Variants in CDH18 observed in about 807,000 individuals in gnomAD.
The protein encoded by CDH18 is cadherin 18.
A neutral mutation model predicts 67.9 loss-of-function variants in CDH18; 31 were observed. The ratio of observed to expected loss-of-function variants is 0.46; its 90% CI spans 0.34 to 0.62. The LOEUF (loss-of-function observed/expected upper bound fraction) is 0.62. CDH18 is among the 20% of genes least tolerant of loss of function. The probability of loss-of-function intolerance (pLI) is 0.01; values close to 1 mark genes in which losing one functional copy is unlikely to be tolerated. For synonymous variants in CDH18, 362 were observed against 347.2 expected (o/e 1.04, Z -0.48); for missense variants, 890 against 975.5 (o/e 0.91, Z 1.17).
In CDH18 at chr5:19,904,611, C is replaced by T. The variant is rs116481813; in HGVS notation, c.-256-65369G>A. The stretch of plus-strand genomic sequence containing the variant: ...ATCGTCATCACTCTGTGTCTAACTG[C>T]GGCTCTGTAAATTAGCTAGATACAT... On this transcript the variant is annotated intron_variant, in intron 2 of 12. Transcript: ENST00000382275. Among the ~76,000 whole-genome samples the T allele has an allele frequency of 9.8e-4, 149 of 152,242 alleles. 1 individual carries two copies. The highest frequency in any genetic ancestry group is 3.4e-3 in the African/African-American group (140 of 41,554).
At chr5:19,650,873 T>C (rs1050046793) in intron 5 of CDH18, among the ~76,000 whole-genome samples, 6 of 152,062 alleles carry the variant, frequency 3.9e-5, no homozygotes, top group Non-Finnish European at 8.8e-5. Context: ...TAAATTCTCA[T>C]TTCAAGACAA....
chr5:20,381,235 T>G (rs1398662517), intron 1 of CDH18, among the ~76,000 whole-genome samples: 1 of 152,152 alleles, frequency 6.6e-6, no homozygotes, highest in Non-Finnish European at 1.5e-5. Flanking sequence ...AGAAAATAAA[T>G]GTATTTTGCT....
intron 5 of CDH18, among the ~76,000 whole-genome samples, chr5:19,665,888 A>C (rs1308857771): frequency 1.4e-5 from 2 of 140,854 alleles, no homozygotes; most frequent in African/African-American, 6.5e-5. Flanking sequence ...ATATTGTAAC[A>C]CAGAATATGT....
At chr5:20,481,755 A>G (rs1466665844) in intron 1 of CDH18, among the ~76,000 whole-genome samples, 1 of 152,118 alleles carries the variant, frequency 6.6e-6, no homozygotes, top group African/African-American at 2.4e-5. Context: ...TCTTGAAACA[A>G]AAGAAAATTG....
chr5:19,881,455 T>C (rs978914380), intron 2 of CDH18, among the ~76,000 whole-genome samples: 1 of 152,004 alleles, frequency 6.6e-6, no homozygotes, highest in Admixed American at 6.6e-5. Flanking sequence ...AGATTTACTC[T>C]AGTCTAATGT....
At chr5:20,472,431 T>A (rs982781) in intron 1 of CDH18, among the ~76,000 whole-genome samples, 2 of 152,142 alleles carry the variant, frequency 1.3e-5, no homozygotes, top group African/African-American at 4.8e-5. Context: ...CTGTAACAAA[T>A]GTACCACCTT....
At chr5:20,167,247 A>G (rs191541747) in intron 2 of CDH18, among the ~76,000 whole-genome samples, 2 of 152,244 alleles carry the variant, frequency 1.3e-5, no homozygotes, top group South Asian at 4.1e-4. Context: ...TTAAACACCA[A>G]ATAAATGCTT....
At chr5:20,381,181 C>T (rs896724022) in intron 1 of CDH18, among the ~76,000 whole-genome samples, 4 of 152,172 alleles carry the variant, frequency 2.6e-5, no homozygotes, top group South Asian at 2.1e-4. Context: ...AAAAAATACC[C>T]GTCAGTATCT....
chr5:20,185,088 T>A (rs913536159), intron 2 of CDH18, among the ~76,000 whole-genome samples: 1 of 152,100 alleles, frequency 6.6e-6, no homozygotes, highest in African/African-American at 2.4e-5. Context: ...AAATTTCCAA[T>A]AAATAGCAAC....
At chr5:19,499,356 T>C (rs1742853607) in intron 11 of CDH18, among the ~76,000 whole-genome samples, 1 of 152,150 alleles carries the variant, frequency 6.6e-6, no homozygotes, top group South Asian at 2.1e-4. Flanking sequence ...TATACAATTT[T>C]ATGTAGTTCC....
rs192145129 is a variant in CDH18 at position 20,409,554 on chromosome 5, A to G, written c.-579-154049T>C. Among the ~76,000 whole-genome samples, 24 of 151,840 alleles carry G rather than the reference A, an allele frequency of 1.6e-4. 2 individuals carry two copies. Among genetic ancestry groups the G allele is most frequent in the Admixed American group, 1.3e-3 (20 of 15,240 alleles). On this transcript the variant is annotated intron_variant, in intron 1 of 14. Transcript: ENST00000507958. ...GGAAAGTTTATATTGATAAATACCT[A>G]CTTAATAAAATAAAGATCTTAAATA...
intron 9 of CDH18, among the ~76,000 whole-genome samples, chr5:19,532,018 T>G (rs1161412440): frequency 6.6e-6 from 1 of 152,210 alleles, no homozygotes; most frequent in Non-Finnish European, 1.5e-5. Context: ...AGTGACTAGA[T>G]GCCTCTGCAA....
intron 3 of CDH18, among the ~76,000 whole-genome samples, chr5:19,806,834 G>A (rs1362764118): frequency 1.3e-5 from 2 of 152,054 alleles, no homozygotes; most frequent in Admixed American, 1.3e-4. Flanking sequence ...ATTGTATAAC[G>A]ATACATATAT....
At chr5:19,516,275 A>T (rs923872851) in intron 10 of CDH18, among the ~76,000 whole-genome samples, 14 of 152,192 alleles carry the variant, frequency 9.2e-5, no homozygotes, top group African/African-American at 3.4e-4. Context: ...GGATTTTCAC[A>T]TTGATATTCA....
intron 2 of CDH18, among the ~76,000 whole-genome samples, chr5:20,117,871 T>C (rs1748050141): frequency 6.6e-6 from 1 of 152,194 alleles, no homozygotes; most frequent in Non-Finnish European, 1.5e-5. Context: ...TTTAAAAGAA[T>C]AGCTGAAGCA....
At chr5:19,492,921 C>G (rs1352447416) in intron 11 of CDH18, among the ~76,000 whole-genome samples, 1 of 152,066 alleles carries the variant, frequency 6.6e-6, no homozygotes, top group African/African-American at 2.4e-5. Context: ...TACTGGAGTA[C>G]AGAATAAGGC....
Position 20,012,372 on chromosome 5 carries a change from C to CAAAA in CDH18, c.-517-20362_-517-20359dup, listed in dbSNP as rs374226366. 6.9e-5 allele frequency among the ~76,000 whole-genome samples: 8 copies of CAAAA among 116,050 alleles called. No homozygotes were observed. In the East Asian group the frequency reaches 7.6e-4, roughly 11 times the overall value. 76.1% of individuals were successfully genotyped at this position (116,050 alleles called of 152,430 possible). A position where few individuals can be genotyped will look rare whatever the true frequency, so the allele number is the denominator to read the frequency against. ...AGTCTAGCTATTTTATTATCTTGTT[C>CAAAA]AAAAAAAAAAAAAAAAAAACACCAG... On this transcript the variant is annotated intron_variant, in intron 2 of 14. Transcript: ENST00000507958.
chr5:20,053,386 G>A (rs1741615215), intron 2 of CDH18, among the ~76,000 whole-genome samples: 1 of 151,582 alleles, frequency 6.6e-6, no homozygotes, highest in African/African-American at 2.4e-5. Flanking sequence ...ATTTCTTAGT[G>A]AGTCGATCCA....
chr5:20,346,038 C>T (rs531109727), intron 1 of CDH18, among the ~76,000 whole-genome samples: 19 of 152,172 alleles, frequency 1.2e-4, no homozygotes, highest in Non-Finnish European at 1.9e-4. Flanking sequence ...TAATATATTC[C>T]TCTCACTTTC....
Sources: allele counts gnomAD v4.1 joint callset (sites outside exome capture counted in the v4.1 genomes callset), GRCh38; gene constraint gnomAD v4.1.1; transcripts MANE v1.5; gene names NCBI Gene and HGNC (gene_info 2026-07-23, HGNC 2026-07-21).